Variants in ZMYM2 observed in about 807,000 individuals in gnomAD.
ZMYM2 encodes zinc finger MYM-type protein 2.
Under a neutral mutation model 162.8 loss-of-function variants are expected in ZMYM2, and 56 were observed. That is an observed-to-expected ratio of 0.34 (90% CI 0.28 to 0.43). The LOEUF is 0.43. Ranked by LOEUF, ZMYM2 falls within the 20% of genes least tolerant of loss-of-function variation. The pLI is 1.00. For synonymous variants in ZMYM2, 510 were observed against 541.6 expected (o/e 0.94, Z 0.81); for missense variants, 1,275 against 1,621.8 (o/e 0.79, Z 3.67).
chr13:19,951,850 T>C, the ZMYM2 span, among the ~76,000 whole-genome samples: 1 of 152,106 alleles, frequency 6.6e-6, no homozygotes, highest in African/African-American at 2.4e-5. Context: ...AATAAAAAAA[T>C]TGACTACCAT....
At chr13:20,015,920 C>G (rs1951586178) in intron 6 of ZMYM2, among the ~76,000 whole-genome samples, 1 of 151,806 alleles carries the variant, frequency 6.6e-6, no homozygotes, top group Admixed American at 6.6e-5. Context: ...GTACATGGAT[C>G]AAATTATCCG....
the ZMYM2 span, among the ~76,000 whole-genome samples, chr13:19,887,360 C>T: frequency 6.6e-6 from 1 of 151,502 alleles, no homozygotes; most frequent in Non-Finnish European, 1.5e-5. Context: ...GAAACCTCAT[C>T]TCTATTAAAA....
At chr13:20,075,284 C>A (rs1288260304) in intron 21 of ZMYM2, among the ~76,000 whole-genome samples, 1 of 152,096 alleles carries the variant, frequency 6.6e-6, no homozygotes, top group Non-Finnish European at 1.5e-5. Context: ...GAAACAGTAT[C>A]TTTTTTTGTA....
At chr13:20,074,338 C>T (rs1957328862) in intron 21 of ZMYM2, among the ~76,000 whole-genome samples, 1 of 151,388 alleles carries the variant, frequency 6.6e-6, no homozygotes, top group Non-Finnish European at 1.5e-5. Flanking sequence ...CTCAAGTGAT[C>T]CTCCTGCCTC....
chr13:19,949,115 C>A, the ZMYM2 span, among the ~76,000 whole-genome samples: 5 of 128,084 alleles, frequency 3.9e-5, no homozygotes, highest in African/African-American at 8.2e-5. Context: ...AAAAAAAAAA[C>A]TACAAAAATT....
At chr13:20,034,477 G>A (rs1953495533) in intron 11 of ZMYM2, 73 bp downstream of exon 11, 1 of 1,322,508 alleles carries the variant, frequency 7.6e-7, no homozygotes, top group Non-Finnish European at 9.8e-7. Flanking sequence ...AATATATCCA[G>A]AGTGGCTGCA....
chr13:20,085,717 G>A (rs1263186614), intron 24 of ZMYM2, 105 bp from the exon 25 acceptor site: 1 of 924,780 alleles, frequency 1.1e-6, no homozygotes. Context: ...TAGGGGGTCT[G>A]GTCATATAAC....
intron 2 of ZMYM2, among the ~76,000 whole-genome samples, chr13:19,987,825 A>T (rs1352494703): frequency 1.3e-5 from 2 of 151,450 alleles, no homozygotes; most frequent in Non-Finnish European, 2.9e-5. Context: ...CATGTTGTCC[A>T]GGCTGGGCTT....
At chr13:19,951,398 T>C in the ZMYM2 span, among the ~76,000 whole-genome samples, 1 of 151,688 alleles carries the variant, frequency 6.6e-6, no homozygotes, top group East Asian at 1.9e-4. Flanking sequence ...GATTTAAAAA[T>C]AGGCAAACGG....
the ZMYM2 span, among the ~76,000 whole-genome samples, chr13:19,892,294 C>T: frequency 6.6e-6 from 1 of 151,458 alleles, no homozygotes; most frequent in Non-Finnish European, 1.5e-5. Flanking sequence ...TTTTTTGAGA[C>T]GGAGTCTCAC....
chr13:20,037,938 C>T (rs1337513051), intron 12 of ZMYM2, among the ~76,000 whole-genome samples: 1 of 152,076 alleles, frequency 6.6e-6, no homozygotes, highest in East Asian at 1.9e-4. Context: ...CTGATTCTTT[C>T]CCTCCTCCCA....
chr13:20,049,980 A>G (rs1471184314), intron 12 of ZMYM2, among the ~76,000 whole-genome samples: 1 of 152,016 alleles, frequency 6.6e-6, no homozygotes, highest in East Asian at 1.9e-4. Flanking sequence ...TTCTATGGTT[A>G]TTTCGAAGAA....
intron 2 of ZMYM2, among the ~76,000 whole-genome samples, chr13:19,980,678 A>G (rs538472254): frequency 1.4e-5 from 2 of 144,342 alleles, no homozygotes; most frequent in Admixed American, 1.4e-4. Context: ...ACTTGAACCC[A>G]GGAGGTGAAG....
intron 2 of ZMYM2, among the ~76,000 whole-genome samples, chr13:19,978,750 A>G (rs1957019699): frequency 6.6e-6 from 1 of 152,066 alleles, no homozygotes; most frequent in Non-Finnish European, 1.5e-5. Flanking sequence ...CTTTTATATC[A>G]TATAAAAAAA....
chr13:20,003,417 T>C (rs1950528505), intron 4 of ZMYM2, among the ~76,000 whole-genome samples: 1 of 152,198 alleles, frequency 6.6e-6, no homozygotes, highest in South Asian at 2.1e-4. Context: ...CAAATAAAAA[T>C]GCTAAGCAGT....
At chr13:20,005,278 T>C (rs1056188005) in intron 5 of ZMYM2, 39 bp downstream of exon 5, 1 of 1,402,398 alleles carries the variant, frequency 7.1e-7, no homozygotes, top group Non-Finnish European at 9.5e-7. Flanking sequence ...TTCTAACAAA[T>C]AGGAATATTT....
chr13:19,923,659 G>A, the ZMYM2 span, among the ~76,000 whole-genome samples: 1 of 130,466 alleles, frequency 7.7e-6, no homozygotes, highest in Admixed American at 9.7e-5. Context: ...ATACCCTGTA[G>A]GGACTTTTTT....
chr13:19,924,300 C>G, the ZMYM2 span, among the ~76,000 whole-genome samples: 1 of 152,096 alleles, frequency 6.6e-6, no homozygotes, highest in Admixed American at 6.6e-5. Context: ...CACGGTGGCT[C>G]ACGCCTGTAA....
intron 12 of ZMYM2, among the ~76,000 whole-genome samples, chr13:20,048,925 A>G (rs920068819): frequency 6.6e-6 from 1 of 151,254 alleles, no homozygotes; most frequent in African/African-American, 2.4e-5. Context: ...CATTTATTTC[A>G]TTTTTTATGA....
Sources: allele counts gnomAD v4.1 joint callset (sites outside exome capture counted in the v4.1 genomes callset), GRCh38; gene constraint gnomAD v4.1.1; transcripts MANE v1.5; gene names NCBI Gene and HGNC (gene_info 2026-07-23, HGNC 2026-07-21).